GABBR2: variants seen among roughly 807,000 people sequenced by gnomAD.
GABBR2 encodes the protein G-protein coupled receptor 51.
Under a neutral mutation model 105.6 loss-of-function variants are expected in GABBR2, and 23 were observed. That is an observed-to-expected ratio of 0.22 (90% CI 0.16 to 0.31). GABBR2 has a LOEUF of 0.31. Ranked by LOEUF, GABBR2 falls within the 10% of genes least tolerant of loss-of-function variation. The pLI, the probability that GABBR2 is intolerant of heterozygous loss-of-function variation, is 1.00. For synonymous variants in GABBR2, 478 were observed against 499.7 expected, an observed-to-expected ratio of 0.96 and a Z score of 0.58; for missense variants, 734 against 1,245.5, an observed-to-expected ratio of 0.59 and a Z score of 6.18.
intron 1 of GABBR2, among the ~76,000 whole-genome samples, chr9:98,686,061 T>C (rs1460751817): frequency 1.3e-5 from 2 of 152,126 alleles, no homozygotes; most frequent in African/African-American, 4.8e-5. Context: ...TCCATGTCTT[T>C]GCATCATCCA....
chr9:98,503,293 G>T (rs1329001276), intron 3 of GABBR2, among the ~76,000 whole-genome samples: 2 of 152,184 alleles, frequency 1.3e-5, no homozygotes, highest in African/African-American at 4.8e-5. Flanking sequence ...CAGGGCTTGA[G>T]GGAGGCTGTC....
chr9:98,698,122 C>G (rs915120890), intron 1 of GABBR2, among the ~76,000 whole-genome samples: 3 of 152,158 alleles, frequency 2.0e-5, no homozygotes, highest in Non-Finnish European at 4.4e-5. Flanking sequence ...TGACCCTGTA[C>G]CATGAGAGCA....
chr9:98,605,339 C>T (rs57129851), intron 1 of GABBR2, among the ~76,000 whole-genome samples: 1,764 of 152,332 alleles, frequency 0.012, 32 homozygotes, highest in African/African-American at 0.041. Flanking sequence ...AGCAAGGTGG[C>T]CTTGGTATAA....
At chr9:98,631,062 T>A (rs1478712301) in intron 1 of GABBR2, among the ~76,000 whole-genome samples, 1 of 152,068 alleles carries the variant, frequency 6.6e-6, no homozygotes, top group Non-Finnish European at 1.5e-5. Context: ...GAAGAAAACA[T>A]AACGAAATGC....
At chr9:98,323,835 C>A (rs935954189) in intron 13 of GABBR2, among the ~76,000 whole-genome samples, 3 of 152,196 alleles carry the variant, frequency 2.0e-5, no homozygotes, top group African/African-American at 7.2e-5. Flanking sequence ...CCAAGCCCAG[C>A]TTGGCGTGAA....
At chr9:98,327,073 T>G (rs1163625378) in intron 13 of GABBR2, among the ~76,000 whole-genome samples, 1 of 152,256 alleles carries the variant, frequency 6.6e-6, no homozygotes, top group Non-Finnish European at 1.5e-5. Flanking sequence ...CTTTTGAAGA[T>G]GGAAGACTGT....
At chr9:98,601,757 AG>A (rs1829340580) in intron 1 of GABBR2, among the ~76,000 whole-genome samples, 1 of 152,180 alleles carries the variant, frequency 6.6e-6, no homozygotes, top group South Asian at 2.1e-4. Flanking sequence ...GTATGGGCCA[AG>A]GGCTGGTCAT....
chr9:98,671,860 G>A (rs774674634), intron 1 of GABBR2, among the ~76,000 whole-genome samples: 2 of 152,150 alleles, frequency 1.3e-5, no homozygotes, highest in African/African-American at 2.4e-5. Flanking sequence ...CTGTTGTCTC[G>A]AGATGATGGT....
rs71369559 is a variant in GABBR2 at position 98,393,029 on chromosome 9, CCCATCCATCCATCCAT to C, written c.1378+1130_1378+1145del. On this transcript the variant is annotated intron_variant, in intron 9 of 18. Transcript: ENST00000259455. ...ATTCACACACCCATCCATGCATCCA[CCCATCCATCCATCCAT>C]CCATCCATCCATCCATCCATCCATC... is the stretch of plus-strand genomic sequence containing the variant. Among the ~76,000 whole-genome samples, 11 of 123,166 alleles carry C rather than the reference CCCATCCATCCATCCAT, an allele frequency of 8.9e-5. No individual in the cohort carries two copies. In the South Asian group the frequency reaches 1.2e-3, roughly 13 times the overall value. The allele number at this position is 123,166 out of a possible 152,430, so 80.8% of individuals were successfully genotyped here.
At chr9:98,625,950 G>A (rs776120749) in intron 1 of GABBR2, among the ~76,000 whole-genome samples, 2 of 151,418 alleles carry the variant, frequency 1.3e-5, no homozygotes, top group African/African-American at 4.9e-5. Context: ...AAAGCCTGAC[G>A]TACCTTAAAC....
At chr9:98,387,093 G>A (rs1832086803) in intron 10 of GABBR2, among the ~76,000 whole-genome samples, 1 of 152,140 alleles carries the variant, frequency 6.6e-6, no homozygotes, top group Non-Finnish European at 1.5e-5. Flanking sequence ...AGAGCCTGGG[G>A]GTTGGGGCAG....
At chr9:98,505,685 G>A (rs2131686085) in intron 3 of GABBR2, among the ~76,000 whole-genome samples, 1 of 152,248 alleles carries the variant, frequency 6.6e-6, no homozygotes, top group East Asian at 1.9e-4. Context: ...GGGAGACTTG[G>A]GGCACAGAGA....
At chr9:98,359,160 G>T (rs1455802687) in intron 13 of GABBR2, among the ~76,000 whole-genome samples, 1 of 152,184 alleles carries the variant, frequency 6.6e-6, no homozygotes, top group Admixed American at 6.5e-5. Flanking sequence ...GGGCGAGGTG[G>T]CTCACACCTA....
chr9:98,295,672 C>A (rs142384552), intron 17 of GABBR2, among the ~76,000 whole-genome samples: 196 of 152,190 alleles, frequency 1.3e-3, no homozygotes, highest in African/African-American at 4.3e-3. Flanking sequence ...ACTACAGGCA[C>A]GTGCTACCAT....
At chr9:98,645,029 G>A (rs762656022) in intron 1 of GABBR2, among the ~76,000 whole-genome samples, 10 of 152,060 alleles carry the variant, frequency 6.6e-5, no homozygotes, top group African/African-American at 9.7e-5. Context: ...CCTCAGCTTC[G>A]GACCAAGTGA....
At chr9:98,563,990 C>T (rs992632739) in intron 2 of GABBR2, among the ~76,000 whole-genome samples, 1 of 152,096 alleles carries the variant, frequency 6.6e-6, no homozygotes, top group African/African-American at 2.4e-5. Flanking sequence ...TCACCAACAA[C>T]CAGTCGATCT....
chr9:98,536,654 A>G (rs1261426932), intron 3 of GABBR2, among the ~76,000 whole-genome samples: 1 of 151,940 alleles, frequency 6.6e-6, no homozygotes, highest in Non-Finnish European at 1.5e-5. Flanking sequence ...TCCATGCCAC[A>G]ATGGGTCTTC....
At chr9:98,337,948 G>A (rs1461979542) in intron 13 of GABBR2, among the ~76,000 whole-genome samples, 1 of 152,102 alleles carries the variant, frequency 6.6e-6, no homozygotes, top group Non-Finnish European at 1.5e-5. Context: ...CTTGAACCTG[G>A]GAGGAGGAGT....
chr9:98,563,817 T>C (rs1828713008), intron 2 of GABBR2, among the ~76,000 whole-genome samples: 1 of 152,200 alleles, frequency 6.6e-6, no homozygotes, highest in South Asian at 2.1e-4. Context: ...ATAAATAATG[T>C]AATCATCTTA....
Sources: gnomAD v4.1 joint callset for allele counts (sites outside exome capture counted in the v4.1 genomes callset) on GRCh38, gnomAD v4.1.1 for gene constraint, MANE v1.5 for transcripts, NCBI Gene and HGNC (gene_info 2026-07-23, HGNC 2026-07-21) for gene names.